The following SFXN1 variants were observed in gnomAD, a reference collection of about 807,000 sequenced individuals.
The protein encoded by SFXN1 is sideroflexin-1.
SFXN1 carries 32 observed loss-of-function variants against 39.5 expected under a neutral mutation model. The observed-to-expected ratio is 0.81, with a 90% confidence interval of 0.61 to 1.09. The LOEUF is 1.09. SFXN1 is among the 50% of genes least tolerant of loss of function. The pLI is 0.00. For missense variants in SFXN1, 402 were observed against 407.1 expected (o/e 0.99, Z 0.11); for synonymous variants, 136 against 146.5 (o/e 0.93, Z 0.52).
At chr5:175,482,026 G>T (rs905188784) in intron 1 of SFXN1, among the ~76,000 whole-genome samples, 1 of 152,196 alleles carries the variant, frequency 6.6e-6, no homozygotes. Flanking sequence ...AACTGTGAAG[G>T]CTGTGTCATC....
chr5:175,478,744 G>A (rs1444603160), intron 1 of SFXN1, 105 bp downstream of exon 1: 4 of 152,060 alleles, frequency 2.6e-5, no homozygotes, highest in Admixed American at 2.0e-4. Flanking sequence ...CCCGCGGGCC[G>A]GCTGCGGGGA....
intron 5 of SFXN1, 42 bp from the exon 6 acceptor site, chr5:175,512,069 A>G: frequency 4.5e-6 from 7 of 1,550,382 alleles, no homozygotes; most frequent in Non-Finnish European, 6.2e-6. Context: ...TTACTAGTAC[A>G]GGAAAAATAA....
chr5:175,498,808 A>G (rs1265595854), intron 2 of SFXN1, among the ~76,000 whole-genome samples: 2 of 152,214 alleles, frequency 1.3e-5, no homozygotes, highest in Non-Finnish European at 2.9e-5. Flanking sequence ...CTCAATCCAA[A>G]AGAAGGCAGG....
intron 6 of SFXN1, among the ~76,000 whole-genome samples, chr5:175,512,437 A>G (rs1327767256): frequency 6.6e-6 from 1 of 152,214 alleles, no homozygotes; most frequent in Admixed American, 6.5e-5. Flanking sequence ...GAGGGGGCTG[A>G]TGCTGGAATA....
intron 1 of SFXN1, among the ~76,000 whole-genome samples, chr5:175,491,063 A>G (rs1004954103): frequency 2.6e-5 from 4 of 152,242 alleles, no homozygotes; most frequent in African/African-American, 9.6e-5. Context: ...ATCTATTACA[A>G]CAATACAGGG....
intron 2 of SFXN1, among the ~76,000 whole-genome samples, chr5:175,508,402 A>G (rs1270828576): frequency 2.0e-5 from 3 of 150,520 alleles, no homozygotes; most frequent in South Asian, 2.1e-4. Flanking sequence ...GTTTTTATTT[A>G]TTTTTATTTT....
intron 2 of SFXN1, 62 bp downstream of exon 2, chr5:175,492,329 C>T (rs549921290): frequency 5.3e-6 from 7 of 1,309,788 alleles, no homozygotes; most frequent in Admixed American, 5.9e-5. Context: ...AGGCTGCTAT[C>T]TTTAAACCTT....
At chr5:175,489,354 G>A (rs1423443628) in intron 1 of SFXN1, among the ~76,000 whole-genome samples, 1 of 152,162 alleles carries the variant, frequency 6.6e-6, no homozygotes, top group South Asian at 2.1e-4. Flanking sequence ...TCAAAATGTG[G>A]CTCATGGACA....
At chr5:175,510,637 C>T (rs1760479734) in intron 4 of SFXN1, among the ~76,000 whole-genome samples, 2 of 152,106 alleles carry the variant, frequency 1.3e-5, no homozygotes, top group Non-Finnish European at 2.9e-5. Context: ...AAGGGGAGAC[C>T]ATGGCGGTGT....
intron 4 of SFXN1, 127 bp from the exon 5 acceptor site, chr5:175,511,321 ATGT>A: frequency 1.4e-6 from 1 of 696,954 alleles, no homozygotes; most frequent in Non-Finnish European, 2.5e-6. Context: ...GTGATAGTGA[ATGT>A]TGTTTTGTAG....
rs1760601386 is a variant in SFXN1 at position 175,513,499 on chromosome 5, T to C, written c.633T>C (p.Asn211=). The C allele has an allele frequency of 1.9e-6, 3 of 1,613,904 alleles. No individual in the cohort carries two copies. Among genetic ancestry groups the C allele is most frequent in the East Asian group, 4.5e-5 (2 of 44,854 alleles). ...LKVGIPVTDE[N]GNRLGESANA... The stretch of plus-strand genomic sequence containing the variant: ...TTGGCATTCCCGTCACGGATGAGAA[T>C]GGGAACCGCTTGGGGGAGTCGGCGA... Residue 211 remains asparagine (N), a synonymous_variant, in exon 7 of 11, where the codon AAT becomes AAC. Transcript: ENST00000321442.
chr5:175,524,606 A>T (rs1761003592), intron 10 of SFXN1, among the ~76,000 whole-genome samples: 1 of 151,854 alleles, frequency 6.6e-6, no homozygotes, highest in East Asian at 1.9e-4. Flanking sequence ...CAATGCACTA[A>T]ATGTCCCAAC....
intron 10 of SFXN1, chr5:175,522,664 A>G: frequency 2.2e-6 from 1 of 450,472 alleles, no homozygotes; most frequent in Non-Finnish European, 3.9e-6. Flanking sequence ...TTCTTTTGTG[A>G]GAATCAGATT....
At chr5:175,497,582 A>G (rs1196862730) in intron 2 of SFXN1, among the ~76,000 whole-genome samples, 1 of 152,232 alleles carries the variant, frequency 6.6e-6, no homozygotes, top group East Asian at 1.9e-4. Context: ...GTGGTGTTCC[A>G]TCAAAATATA....
chr5:175,484,941 A>G (rs1161502722), intron 1 of SFXN1, among the ~76,000 whole-genome samples: 2 of 152,178 alleles, frequency 1.3e-5, no homozygotes, highest in South Asian at 4.1e-4. Flanking sequence ...TTAAAAATGG[A>G]TCAATTTACC....
At chr5:175,485,621 A>G (rs1046559863) in intron 1 of SFXN1, among the ~76,000 whole-genome samples, 1 of 152,268 alleles carries the variant, frequency 6.6e-6, no homozygotes, top group African/African-American at 2.4e-5. Flanking sequence ...ACATATTCAC[A>G]GTAGTAGGTG....
intron 8 of SFXN1, among the ~76,000 whole-genome samples, chr5:175,517,329 G>C (rs1760741393): frequency 6.6e-6 from 1 of 151,918 alleles, no homozygotes; most frequent in Non-Finnish European, 1.5e-5. Flanking sequence ...TGTACCCTTT[G>C]ATCATCATTT....
At chr5:175,484,660 C>A (rs569245234) in intron 1 of SFXN1, among the ~76,000 whole-genome samples, 3 of 152,252 alleles carry the variant, frequency 2.0e-5, no homozygotes, top group African/African-American at 7.2e-5. Context: ...GCACAGGGCG[C>A]GTCTCGGCGC....
intron 1 of SFXN1, chr5:175,483,452 C>T (rs1759331012): frequency 6.6e-6 from 1 of 152,124 alleles, no homozygotes. Flanking sequence ...GAATTAACAC[C>T]TCAGTTGTCC....
Sources: gnomAD v4.1 joint callset for allele counts (sites outside exome capture counted in the v4.1 genomes callset) on GRCh38, gnomAD v4.1.1 for gene constraint, MANE v1.5 for transcripts, NCBI Gene and HGNC (gene_info 2026-07-23, HGNC 2026-07-21) for gene names.